Variants in SLC26A4 observed in about 807,000 individuals in gnomAD.
The protein encoded by SLC26A4 is solute carrier family 26 member 4.
A neutral mutation model predicts 90.4 loss-of-function variants in SLC26A4; 93 were observed. That is an observed-to-expected ratio of 1.03 (90% CI 0.87 to 1.22). The LOEUF (loss-of-function observed/expected upper bound fraction) is 1.22, where lower values mean the gene tolerates loss of function less well. SLC26A4 is among the 50% of genes most tolerant of loss of function. The pLI is 0.00. For missense variants in SLC26A4, 1,127 were observed against 946.2 expected (o/e 1.19, Z -2.51); for synonymous variants, 393 against 354.6 (o/e 1.11, Z -1.22).
At chr7:107,699,230 C>T (rs948092035) in intron 14 of SLC26A4, among the ~76,000 whole-genome samples, 5 of 152,026 alleles carry the variant, frequency 3.3e-5, no homozygotes, top group African/African-American at 7.2e-5. Flanking sequence ...AGACTTTGCC[C>T]AAGTCATTCA....
In SLC26A4 at chr7:107,680,380, G is replaced by C. The variant is rs868785189; in HGVS notation, c.766-2822G>C. ...ATATAATCTTATCTTATTATATAAT[G>C]TTATATTATTATATAATCTTATCTT... On this transcript the variant is annotated intron_variant, in intron 6 of 20. Transcript: ENST00000644269. 3.1e-3 allele frequency among the ~76,000 whole-genome samples: 412 copies of C among 133,982 alleles called. 3 individuals are homozygous for C. Among genetic ancestry groups the C allele is most frequent in the African/African-American group, 0.01 (362 of 35,082 alleles). 87.9% of individuals were successfully genotyped at this position (133,982 alleles called of 152,430 possible).
chr7:107,697,264 C>T (rs1314349989), intron 13 of SLC26A4, among the ~76,000 whole-genome samples: 1 of 152,198 alleles, frequency 6.6e-6, no homozygotes, highest in Non-Finnish European at 1.5e-5. Flanking sequence ...TAAAAATCAG[C>T]ACAAACCTGT....
chr7:107,708,256 T>G (rs914553053), intron 18 of SLC26A4, among the ~76,000 whole-genome samples: 16 of 152,218 alleles, frequency 1.1e-4, no homozygotes, highest in African/African-American at 3.9e-4. Context: ...TCTACAAACC[T>G]TCTACAACTT....
rs746111836 is a variant in SLC26A4, at chr7:107,683,294, G to A, written c.858G>A (p.Lys286=). The A allele has an allele frequency of 6.4e-5, 104 of 1,613,498 alleles. 2 individuals are homozygous for A. The South Asian group carries it at 1.1e-3, about 17-fold the overall frequency. The change falls in exon 7 of 21, where the codon AAG becomes AAA. Residue 286 remains lysine (K), a synonymous_variant. Transcript: ENST00000644269. ...LLTIVVCMAV[K]ELNDRFRHKI... The stretch of plus-strand genomic sequence containing the variant: ...CCATTGTCGTCTGTATGGCAGTTAA[G>A]GAATTAAATGATCGGTTTAGACACA...
chr7:107,696,301 C>G (rs1166737700), intron 13 of SLC26A4, among the ~76,000 whole-genome samples: 1 of 152,222 alleles, frequency 6.6e-6, no homozygotes, highest in African/African-American at 2.4e-5. Context: ...GATCACACAG[C>G]TAGTACGTGG....
intron 12 of SLC26A4, among the ~76,000 whole-genome samples, chr7:107,695,346 T>A (rs1791709338): frequency 2.6e-5 from 4 of 152,170 alleles, no homozygotes. Flanking sequence ...GGGAGGGTTG[T>A]GAGCAAGAGT....
At chr7:107,683,902 A>T (rs1791325667) in intron 8 of SLC26A4, among the ~76,000 whole-genome samples, 1 of 152,198 alleles carries the variant, frequency 6.6e-6, no homozygotes, top group South Asian at 2.1e-4. Flanking sequence ...GGAATCAGGG[A>T]CGTCTGGCCT....
In SLC26A4 at chr7:107,683,321, A is replaced by C; in HGVS notation, c.885A>C (p.Lys295Asn). The C allele has an allele frequency of 6.2e-7, 1 of 1,613,922 alleles. No individual in the cohort carries two copies. The highest frequency in any genetic ancestry group is 8.5e-7 in the Non-Finnish European group (1 of 1,179,874). ...AATTAAATGATCGGTTTAGACACAA[A>C]ATCCCAGTCCCTATTCCTATAGAAG... The part of the protein sequence containing the change: ...VKELNDRFRH[K>N]IPVPIPIEVI... The change falls in exon 7 of 21, where the codon AAA becomes AAC. Residue 295 changes from lysine (K) to asparagine (N), a missense_variant. Transcript: ENST00000644269.
intron 20 of SLC26A4, 122 bp from the exon 21 acceptor site, chr7:107,715,301 A>G (rs1792318256): frequency 1.2e-6 from 1 of 824,200 alleles, no homozygotes; most frequent in African/African-American, 1.7e-5. Context: ...TTGTGATGAT[A>G]TACACCTAAG....
Position 107,694,622 on chromosome 7 carries a change from C to T in SLC26A4, c.1343C>T (p.Ser448Leu), listed in dbSNP as rs747076316. 1.2e-5 allele frequency: 20 copies of T among 1,609,920 alleles called. No individual in the cohort carries two copies. The highest frequency in any genetic ancestry group is 5.3e-5 in the African/African-American group (4 of 74,844). ...AGCCTTCTCTGTCTCTCTTGGCAGT[C>T]GGTCTTGGCAGCTGTTGTAATTGCC... ...LGKLLEPLQK[S>L]VLAAVVIANL... Residue 448 changes from serine to leucine, a missense_variant and splice_region_variant, in exon 12 of 21, where the codon TCG (serine) becomes TTG (leucine). Ser to Leu is a moderately radical substitution (Grantham distance 145). Transcript: ENST00000644269.
chr7:107,666,622 A>C (rs190732931), intron 3 of SLC26A4, among the ~76,000 whole-genome samples: 4 of 152,174 alleles, frequency 2.6e-5, no homozygotes, highest in Non-Finnish European at 5.9e-5. Context: ...CAGCCATGTG[A>C]TAAGCAGAAA....
At chr7:107,699,535 G>T (rs1227347475) in intron 14 of SLC26A4, among the ~76,000 whole-genome samples, 5 of 152,158 alleles carry the variant, frequency 3.3e-5, no homozygotes, top group African/African-American at 1.2e-4. Flanking sequence ...GGAAATCAGA[G>T]GGTTGAATAA....
At chr7:107,703,445 G>A (rs1258933329) in intron 17 of SLC26A4, among the ~76,000 whole-genome samples, 1 of 152,224 alleles carries the variant, frequency 6.6e-6, no homozygotes, top group Non-Finnish European at 1.5e-5. Flanking sequence ...AAAAGAGTAT[G>A]AGAATATGCT....
Position 107,716,435 on chromosome 7 carries a change from A to T in SLC26A4, c.*989A>T, listed in dbSNP as rs955589430. On this transcript the variant is annotated 3_prime_UTR_variant, in exon 21 of 21. Transcript: ENST00000644269. ...AACTGAACTCTGACCACTTAAAAAA[A>T]AATCTAAAAATTGAACTACCTATAG... The T allele has an allele frequency of 4.6e-5, 7 of 152,334 alleles. No homozygotes were observed. The highest frequency in any genetic ancestry group is 4.6e-4 in the Admixed American group (7 of 15,302). 9.4% of individuals were successfully genotyped at this position (152,334 alleles called of 1,614,324 possible).
chr7:107,694,335 C>A (rs1286450382), intron 10 of SLC26A4, 68 bp from the exon 11 acceptor site: 2 of 1,192,308 alleles, frequency 1.7e-6, no homozygotes, highest in Non-Finnish European at 2.5e-6. Context: ...CTCATACACA[C>A]ATCCAGTGAG....
chr7:107,685,302 A>G (rs991091711), intron 8 of SLC26A4, among the ~76,000 whole-genome samples: 6 of 152,184 alleles, frequency 3.9e-5, no homozygotes, highest in African/African-American at 1.4e-4. Context: ...GGTAGCACAG[A>G]AGCAATTCTG....
At chr7:107,680,303 A>C (rs370434713) in intron 6 of SLC26A4, among the ~76,000 whole-genome samples, 7,852 of 108,474 alleles carry the variant, frequency 0.072, 1,019 homozygotes, top group African/African-American at 0.22. Flanking sequence ...ATTATATAAT[A>C]TAATCTTATA....
chr7:107,675,205 C>T, intron 6 of SLC26A4, 96 bp downstream of exon 6: 1 of 1,214,242 alleles, frequency 8.2e-7, no homozygotes, highest in South Asian at 1.2e-5. Context: ...GTGGCTCACA[C>T]CTGTAATCCC....
At chr7:107,662,171 C>T (rs1461974242) in intron 2 of SLC26A4, 1 of 271,512 alleles carries the variant, frequency 3.7e-6, no homozygotes, top group African/African-American at 2.3e-5. Flanking sequence ...TAGGGAAACC[C>T]AGCTCTTGAC....
Sources: allele counts gnomAD v4.1 joint callset (sites outside exome capture counted in the v4.1 genomes callset), GRCh38; gene constraint gnomAD v4.1.1; transcripts MANE v1.5; gene names NCBI Gene and HGNC (gene_info 2026-07-23, HGNC 2026-07-21).